CRYL1: variants seen among roughly 807,000 people sequenced by gnomAD.
CRYL1 encodes the protein lambda-crystallin homolog.
CRYL1 carries 29 observed loss-of-function variants against 36.6 expected under a neutral mutation model. The ratio of observed to expected loss-of-function variants is 0.79; its 90% CI spans 0.59 to 1.08. CRYL1 has a LOEUF of 1.08. Among genes scored for constraint, CRYL1 ranks in the 50% least tolerant of loss-of-function variants. The pLI is 0.00. For missense variants in CRYL1, 411 were observed against 407.9 expected, an observed-to-expected ratio of 1.01 and a Z score of -0.06; for synonymous variants, 152 against 151.5, an observed-to-expected ratio of 1.00 and a Z score of -0.02.
In CRYL1 at chr13:20,460,619, G is replaced by A. The variant is rs1311459400; in HGVS notation, c.277-20865C>T. On this transcript the variant is annotated intron_variant, in intron 3 of 7. Coordinates refer to ENST00000298248, the MANE Select transcript of CRYL1 (RefSeq NM_015974.3). Reference sequence around the variant, plus strand: ...CGGCTCACTGCAAGCTCCGCCACCCGGGTTCACGCCATTCTCCTGCCTCAG... The same window carrying A: ...CGGCTCACTGCAAGCTCCGCCACCCAGGTTCACGCCATTCTCCTGCCTCAG... 6.5e-4 allele frequency among the ~76,000 whole-genome samples: 90 copies of A among 137,944 alleles called. 1 individual carries two copies. Among genetic ancestry groups the A allele is most frequent in the Non-Finnish European group, 1.7e-4 (11 of 65,870 alleles). 90.5% of individuals were successfully genotyped at this position (137,944 alleles called of 152,430 possible).
chr13:20,496,556 T>C (rs913179927), intron 2 of CRYL1, among the ~76,000 whole-genome samples: 2 of 152,168 alleles, frequency 1.3e-5, no homozygotes, highest in Admixed American at 1.3e-4. Flanking sequence ...GCACATCTAT[T>C]TATCTCTGCT....
chr13:20,427,739 C>A (rs371579300), intron 5 of CRYL1, among the ~76,000 whole-genome samples: 55 of 136,144 alleles, frequency 4.0e-4, no homozygotes, highest in East Asian at 6.5e-4. Context: ...AGTTGCTCCT[C>A]AAAAAAAAAA....
At chr13:20,506,784 G>A (rs1428150747) in intron 2 of CRYL1, among the ~76,000 whole-genome samples, 2 of 152,152 alleles carry the variant, frequency 1.3e-5, no homozygotes, top group East Asian at 1.9e-4. Flanking sequence ...TGGTAGCAGC[G>A]AGCAAACTAC....
At chr13:20,508,859 A>AC (rs1565988240) in intron 2 of CRYL1, among the ~76,000 whole-genome samples, 6 of 36,958 alleles carry the variant, frequency 1.6e-4, no homozygotes, top group African/African-American at 5.0e-4. Context: ...AAAAAAAAAA[A>AC]AAAAAAAAAA....
chr13:20,483,452 A>G (rs17052265), intron 3 of CRYL1, among the ~76,000 whole-genome samples: 6,843 of 151,838 alleles, frequency 0.045, 386 homozygotes, highest in African/African-American at 0.13. Flanking sequence ...TGACCATATC[A>G]TCAACATGAA....
chr13:20,414,823 C>T (rs1295581319), intron 5 of CRYL1, among the ~76,000 whole-genome samples: 1 of 152,230 alleles, frequency 6.6e-6, no homozygotes, highest in Non-Finnish European at 1.5e-5. Flanking sequence ...GAGGTCCCTC[C>T]CGTCAGAGGA....
chr13:20,501,011 C>A (rs1471301959), intron 2 of CRYL1, among the ~76,000 whole-genome samples: 1 of 152,080 alleles, frequency 6.6e-6, no homozygotes, highest in African/African-American at 2.4e-5. Context: ...GCTTCCTTGC[C>A]CCCCCCTAGT....
At position 20,452,607 on chromosome 13, in the gene CRYL1, T is replaced by C. The variant is rs2032594592; in HGVS notation, c.277-12853A>G. Among the ~76,000 whole-genome samples, 3 of 152,196 alleles carry C rather than the reference T, an allele frequency of 2.0e-5. No individual in the cohort carries two copies. The South Asian group carries it at 6.2e-4, about 31-fold the overall frequency. ...GATTTTTAGGGCTGTGACAATACTG[T>C]GTATGATACTATATTGATGGATACA... On this transcript the variant is annotated intron_variant, in intron 3 of 7. Transcript: ENST00000298248.
At chr13:20,499,117 T>C (rs1274896913) in intron 2 of CRYL1, among the ~76,000 whole-genome samples, 4 of 151,834 alleles carry the variant, frequency 2.6e-5, no homozygotes, top group African/African-American at 9.7e-5. Context: ...ACAAGATGGG[T>C]AGATTGCTTG....
At chr13:20,430,588 A>G in intron 5 of CRYL1, 1 of 985,408 alleles carries the variant, frequency 1.0e-6, no homozygotes. Context: ...AGGAAACACC[A>G]GAGTCCTCCA....
At chr13:20,494,259 C>T (rs1565982657) in intron 2 of CRYL1, among the ~76,000 whole-genome samples, 2 of 152,200 alleles carry the variant, frequency 1.3e-5, no homozygotes, top group Admixed American at 6.5e-5. Flanking sequence ...TTTTGTGTTA[C>T]GGAGGAATAA....
At chr13:20,487,249 A>G (rs1381338006) in intron 3 of CRYL1, among the ~76,000 whole-genome samples, 1 of 134,748 alleles carries the variant, frequency 7.4e-6, no homozygotes, top group Non-Finnish European at 1.6e-5. Flanking sequence ...ATTCTTTAAA[A>G]GAAAAAAAAA....
At chr13:20,464,672 T>C (rs1315778539) in intron 3 of CRYL1, among the ~76,000 whole-genome samples, 1 of 152,238 alleles carries the variant, frequency 6.6e-6, no homozygotes, top group African/African-American at 2.4e-5. Flanking sequence ...TCCTTCTTCA[T>C]TTGTAGCAGT....
chr13:20,451,050 G>A (rs112615056), intron 3 of CRYL1, among the ~76,000 whole-genome samples: 13 of 144,238 alleles, frequency 9.0e-5, no homozygotes, highest in Non-Finnish European at 1.4e-4. Flanking sequence ...ATCACACACC[G>A]GGCCTGTCGA....
At chr13:20,462,098 AGGATGGGG>A (rs2032838542) in intron 3 of CRYL1, among the ~76,000 whole-genome samples, 1 of 7,612 alleles carries the variant, frequency 1.3e-4, no homozygotes, top group Non-Finnish European at 3.4e-4. Context: ...GCCTGGTGAG[AGGATGGGG>A]TGGGAGGATG....
chr13:20,420,350 G>A, intron 5 of CRYL1, among the ~76,000 whole-genome samples: 1 of 152,134 alleles, frequency 6.6e-6, no homozygotes, highest in East Asian at 1.9e-4. Context: ...TCCCCTCTGG[G>A]AGGCATCTCA....
At chr13:20,452,955 G>GT (rs1364552961) in intron 3 of CRYL1, among the ~76,000 whole-genome samples, 6 of 152,224 alleles carry the variant, frequency 3.9e-5, no homozygotes, top group Middle Eastern at 3.4e-3. Flanking sequence ...TTTAAAATTA[G>GT]TTTTTTCTAA....
intron 3 of CRYL1, among the ~76,000 whole-genome samples, chr13:20,446,000 T>C (rs2032444528): frequency 6.6e-6 from 1 of 152,252 alleles, no homozygotes; most frequent in Non-Finnish European, 1.5e-5. Context: ...CACACATAAC[T>C]ATACACTAAG....
chr13:20,460,108 C>G (rs577655471), intron 3 of CRYL1, among the ~76,000 whole-genome samples: 3 of 152,260 alleles, frequency 2.0e-5, no homozygotes, highest in East Asian at 3.9e-4. Flanking sequence ...CTCAAAAACA[C>G]CTTTAGCAGC....
Sources: gnomAD v4.1 joint callset for allele counts (sites outside exome capture counted in the v4.1 genomes callset) on GRCh38, gnomAD v4.1.1 for gene constraint, MANE v1.5 for transcripts, NCBI Gene and HGNC (gene_info 2026-07-23, HGNC 2026-07-21) for gene names.